The following PRRC2B variants were observed in gnomAD, a reference collection of about 807,000 sequenced individuals.
PRRC2B encodes the protein proline rich coiled-coil 2B.
Under a neutral mutation model 242.3 loss-of-function variants are expected in PRRC2B, and 68 were observed. The ratio of observed to expected loss-of-function variants is 0.28; its 90% confidence interval spans 0.23 to 0.34. The LOEUF (loss-of-function observed/expected upper bound fraction) is 0.34, where lower values mean the gene tolerates loss of function less well. Ranked by LOEUF, PRRC2B falls within the 10% of genes least tolerant of loss-of-function variation. PRRC2B has a pLI of 1.00. For missense variants in PRRC2B, 2,835 were observed against 2,954.8 expected (o/e 0.96, Z 0.94); for synonymous variants, 1,228 against 1,173.6 (o/e 1.05, Z -0.95).
chr9:131,459,285 G>A lies in PRRC2B; in HGVS notation c.1333G>A (p.Val445Ile), dbSNP rs2131412278. 1 of 1,613,950 alleles carries A rather than the reference G, an allele frequency of 6.2e-7. No homozygotes were observed. The highest frequency in any genetic ancestry group is 2.2e-5 in the East Asian group (1 of 44,874). ...TGAAGCAGTGGGTGCGTCCCGTGTG[G>A]TCCGAAAGGCGCCAGACCCTCAGCC... ...WAEAVGASRV[V>I]RKAPDPQPPP... Residue 445 changes from valine to isoleucine, a missense_variant, in exon 11 of 32, where the codon GTC becomes ATC. Transcript: ENST00000683519.
intron 1 of PRRC2B, among the ~76,000 whole-genome samples, chr9:131,381,417 CTTT>C (rs34806343): frequency 1.2e-4 from 12 of 102,422 alleles, no homozygotes; most frequent in Non-Finnish European, 1.4e-4. Context: ...AGTTCTGGTT[CTTT>C]TTTTTTTTTT....
At chr9:131,474,237 C>T (rs1445536825) in intron 15 of PRRC2B, among the ~76,000 whole-genome samples, 2 of 152,218 alleles carry the variant, frequency 1.3e-5, no homozygotes, top group East Asian at 1.9e-4. Context: ...CAATTCATGG[C>T]CTGGCATTTC....
chr9:131,430,593 GTGTA>G (rs756466689), intron 2 of PRRC2B, among the ~76,000 whole-genome samples: 117 of 135,930 alleles, frequency 8.6e-4, no homozygotes, highest in Middle Eastern at 3.5e-3. Flanking sequence ...GTGTGTGTGT[GTGTA>G]TATATATGTT....
chr9:131,463,361 C>G (rs1943297398), intron 11 of PRRC2B, among the ~76,000 whole-genome samples: 1 of 152,142 alleles, frequency 6.6e-6, no homozygotes, highest in East Asian at 1.9e-4. Flanking sequence ...AGGCCTAGAT[C>G]CTGTTTCCTT....
At chr9:131,422,024 G>A (rs1837855606) in intron 1 of PRRC2B, among the ~76,000 whole-genome samples, 1 of 152,046 alleles carries the variant, frequency 6.6e-6, no homozygotes, top group Non-Finnish European at 1.5e-5. Context: ...CCTTGGGTGC[G>A]TTACTTTTCT....
Position 131,463,799 on chromosome 9 carries a change from T to G in PRRC2B, c.1405-964T>G, listed in dbSNP as rs1031246309. On this transcript the variant is annotated intron_variant, in intron 11 of 31. Coordinates refer to ENST00000683519, the MANE Select transcript of PRRC2B (RefSeq NM_013318.4). Reference sequence around the variant, plus strand: ...ATCCCCAACTAATTTTCGTATTTTTTTGGGGGGCTGGGGGGTAAATACGGG... The same window carrying G: ...ATCCCCAACTAATTTTCGTATTTTTGTGGGGGGCTGGGGGGTAAATACGGG... Among the ~76,000 whole-genome samples, 5 of 151,746 alleles carry G rather than the reference T, an allele frequency of 3.3e-5. No individual in the cohort carries two copies. The East Asian group carries it at 5.8e-4, about 18-fold the overall frequency.
rs139872559 is a variant in PRRC2B at position 131,453,524 on chromosome 9, C to T, written c.1121-1552C>T. ...TGTAGCCAGGACTGCAGGCATACAT[C>T]ATGGTGCTTAGTTAGCCTTGTGTTT... On this transcript the variant is annotated intron_variant, in intron 9 of 31. Coordinates refer to ENST00000683519, the MANE Select transcript of PRRC2B (RefSeq NM_013318.4). 7.0e-3 allele frequency among the ~76,000 whole-genome samples: 1,068 copies of T among 152,242 alleles called. 18 individuals carry two copies. The highest frequency in any genetic ancestry group is 0.024 in the African/African-American group (985 of 41,526).
intron 1 of PRRC2B, among the ~76,000 whole-genome samples, chr9:131,385,073 T>C (rs541677660): frequency 4.6e-5 from 7 of 151,958 alleles, no homozygotes; most frequent in African/African-American, 1.4e-4. Flanking sequence ...AATGGTGTGA[T>C]CTTGGCTGAC....
chr9:131,411,575 C>A (rs1456357790), intron 1 of PRRC2B, among the ~76,000 whole-genome samples: 1 of 151,832 alleles, frequency 6.6e-6, no homozygotes, highest in Non-Finnish European at 1.5e-5. Flanking sequence ...GATCTCCTGA[C>A]CTCGTGATCC....
rs1338855171 is a variant in PRRC2B, at chr9:131,498,611, C to A, written c.*2737C>A. ...TAGGGTCTTATTTTGTTTTCAAACC[C>A]CCATCCTCAGAGCGCAGATACATGC... On this transcript the variant is annotated 3_prime_UTR_variant, in exon 32 of 32. Coordinates refer to ENST00000683519, the MANE Select transcript of PRRC2B (RefSeq NM_013318.4). 1.3e-5 allele frequency: 2 copies of A among 152,240 alleles called. No homozygotes were observed. The highest frequency in any genetic ancestry group is 2.9e-5 in the Non-Finnish European group (2 of 68,048). The allele number at this position is 152,240 out of a possible 1,614,324, so 9.4% of individuals were successfully genotyped here.
intron 1 of PRRC2B, among the ~76,000 whole-genome samples, chr9:131,396,045 T>G (rs1469064902): frequency 6.6e-6 from 1 of 152,194 alleles, no homozygotes; most frequent in Non-Finnish European, 1.5e-5. Context: ...CCTCATCGGG[T>G]TACCTTTACA....
chr9:131,384,431 C>G (rs1018225838), intron 1 of PRRC2B, among the ~76,000 whole-genome samples: 1 of 151,172 alleles, frequency 6.6e-6, no homozygotes, highest in Non-Finnish European at 1.5e-5. Flanking sequence ...TACAGGCACG[C>G]ACCACCATGC....
chr9:131,424,005 C>A (rs552980106), intron 1 of PRRC2B, among the ~76,000 whole-genome samples: 1 of 152,148 alleles, frequency 6.6e-6, no homozygotes, highest in East Asian at 1.9e-4. Context: ...GCCCAATCTC[C>A]GTTCACTGCA....
chr9:131,450,857 G>A lies in PRRC2B; in HGVS notation c.1120+3053G>A, dbSNP rs144455173. Among the ~76,000 whole-genome samples, 436 of 152,220 alleles carry A rather than the reference G, an allele frequency of 2.9e-3. 1 individual carries two copies. Among genetic ancestry groups the A allele is most frequent in the Middle Eastern group, 0.014 (4 of 294 alleles). On this transcript the variant is annotated intron_variant, in intron 9 of 31. Coordinates refer to ENST00000683519, the MANE Select transcript of PRRC2B (RefSeq NM_013318.4). The stretch of plus-strand genomic sequence containing the variant: ...TCCGCCTTGGCCTCCCAAAGTGCTG[G>A]GATTACAGGTATGAGCCACCATGTC...
At chr9:131,422,726 C>T (rs1383704697) in intron 1 of PRRC2B, among the ~76,000 whole-genome samples, 3 of 152,180 alleles carry the variant, frequency 2.0e-5, no homozygotes, top group African/African-American at 4.8e-5. Context: ...TCTGGAGAGG[C>T]GGGGCTTGGA....
chr9:131,474,811 G>T lies in PRRC2B; in HGVS notation c.2682G>T (p.Gly894=). ...TTGAGCGGGAGACACCCCGGGAGGGGACGGCCTTTAACATCTCCTCCTGGG... is the reference window on the plus strand; with the variant it reads ...TTGAGCGGGAGACACCCCGGGAGGGTACGGCCTTTAACATCTCCTCCTGGG... ...HGVERETPRE[G]TAFNISSWDK... Residue 894 remains glycine, a synonymous_variant, in exon 16 of 32, where the codon GGG becomes GGT. Coordinates refer to ENST00000683519, the MANE Select transcript of PRRC2B (RefSeq NM_013318.4). 6.2e-7 allele frequency: 1 copy of T among 1,612,366 alleles called. No individual in the cohort carries two copies. The highest frequency in any genetic ancestry group is 8.5e-7 in the Non-Finnish European group (1 of 1,179,688).
At chr9:131,384,845 G>C (rs923767630) in intron 1 of PRRC2B, among the ~76,000 whole-genome samples, 1 of 152,120 alleles carries the variant, frequency 6.6e-6, no homozygotes, top group South Asian at 2.1e-4. Flanking sequence ...GTGAGCCACC[G>C]CGCCTGGTCG....
chr9:131,487,598 G>A lies in PRRC2B; in HGVS notation c.5985-258G>A, dbSNP rs768438667. Among the ~76,000 whole-genome samples, 11 of 152,094 alleles carry A rather than the reference G, an allele frequency of 7.2e-5. No individual in the cohort carries two copies. Among genetic ancestry groups the A allele is most frequent in the South Asian group, 2.1e-4 (1 of 4,826 alleles). On this transcript the variant is annotated intron_variant, in intron 27 of 31. Coordinates refer to ENST00000683519, the MANE Select transcript of PRRC2B (RefSeq NM_013318.4). This position sits in a 1 kb window ranked among gnomAD's most constrained non-coding sequence, Gnocchi z 5.3. ...TCTCCTCCCCACCGCGGGCTTCTCC[G>A]TCAGTGTGGCTGCCAGTCATTGTGG...
In PRRC2B at chr9:131,495,979, C is replaced by G; in HGVS notation, c.*105C>G. 6.8e-7 allele frequency: 1 copy of G among 1,477,750 alleles called. No individual in the cohort carries two copies. Among genetic ancestry groups the G allele is most frequent in the Non-Finnish European group, 9.1e-7 (1 of 1,094,544 alleles). The allele number at this position is 1,477,750 out of a possible 1,614,324, so 91.5% of individuals were successfully genotyped here. ...CCTCACCAGATCCACCGTCCAAATGCGTGGCCCAGACTGAGAGACCTCCCT... is the reference window on the plus strand; with the variant it reads ...CCTCACCAGATCCACCGTCCAAATGGGTGGCCCAGACTGAGAGACCTCCCT... On this transcript the variant is annotated 3_prime_UTR_variant, in exon 32 of 32. Coordinates refer to ENST00000683519, the MANE Select transcript of PRRC2B (RefSeq NM_013318.4).
Sources: gnomAD v4.1 joint callset for allele counts (sites outside exome capture counted in the v4.1 genomes callset) on GRCh38, gnomAD v4.1.1 for gene constraint, Gnocchi (gnomAD v3.1) non-coding constraint, MANE v1.5 for transcripts, NCBI Gene and HGNC (gene_info 2026-07-23, HGNC 2026-07-21) for gene names.